RORA: variants seen among roughly 807,000 people sequenced by gnomAD.
RORA encodes the protein nuclear receptor ROR-alpha.
A neutral mutation model predicts 69.5 loss-of-function variants in RORA; 7 were observed. The ratio of observed to expected loss-of-function variants is 0.10; its 90% CI spans 0.06 to 0.19. The LOEUF (loss-of-function observed/expected upper bound fraction) is 0.19. RORA is among the 10% of genes least tolerant of loss of function. The pLI is 1.00. For synonymous variants in RORA, 261 were observed against 240.8 expected, an observed-to-expected ratio of 1.08 and a Z score of -0.78; for missense variants, 457 against 663.0, an observed-to-expected ratio of 0.69 and a Z score of 3.41.
At chr15:60,770,091 T>C (rs556744585) in intron 1 of RORA, among the ~76,000 whole-genome samples, 1 of 152,216 alleles carries the variant, frequency 6.6e-6, no homozygotes, top group Admixed American at 6.5e-5. Context: ...TTACTGTGGG[T>C]ACTAGGGTAG....
chr15:60,931,416 G>A (rs1214761918), intron 1 of RORA, among the ~76,000 whole-genome samples: 1 of 152,250 alleles, frequency 6.6e-6, no homozygotes. Flanking sequence ...CATAGCTGCA[G>A]GAGGAATAGC....
At chr15:61,196,272 A>G (rs994711629) in intron 1 of RORA, among the ~76,000 whole-genome samples, 1 of 152,020 alleles carries the variant, frequency 6.6e-6, no homozygotes, top group Non-Finnish European at 1.5e-5. Flanking sequence ...AATAGCTGCA[A>G]TATCAGACTA....
intron 2 of RORA, among the ~76,000 whole-genome samples, chr15:60,542,168 A>G (rs2066892747): frequency 6.6e-6 from 1 of 152,224 alleles, no homozygotes; most frequent in Non-Finnish European, 1.5e-5. Flanking sequence ...AATCCATTTC[A>G]CAAGTGGTGG....
intron 1 of RORA, among the ~76,000 whole-genome samples, chr15:61,028,777 A>G (rs1895967216): frequency 6.6e-6 from 1 of 152,268 alleles, no homozygotes; most frequent in Non-Finnish European, 1.5e-5. Context: ...GTCTGTCCAT[A>G]CAATGAAATA....
intron 2 of RORA, among the ~76,000 whole-genome samples, chr15:60,581,384 A>C (rs996220143): frequency 2.6e-5 from 4 of 152,216 alleles, no homozygotes; most frequent in African/African-American, 7.2e-5. Context: ...TTGCTTTTGA[A>C]ATGGATTTCT....
At chr15:60,924,241 G>T (rs199684458) in intron 1 of RORA, among the ~76,000 whole-genome samples, 2 of 151,680 alleles carry the variant, frequency 1.3e-5, no homozygotes, top group Non-Finnish European at 2.9e-5. Flanking sequence ...GGTGCTGGGA[G>T]AACGGAAGGA....
intron 1 of RORA, among the ~76,000 whole-genome samples, chr15:60,791,513 C>T (rs2140348617): frequency 6.6e-6 from 1 of 152,272 alleles, no homozygotes; most frequent in Middle Eastern, 3.4e-3. Context: ...GGGAGCACTC[C>T]CAAGTTAGCT....
chr15:61,155,253 AAAAAGATGAAT>A (rs1434247051), intron 1 of RORA, among the ~76,000 whole-genome samples: 2 of 152,232 alleles, frequency 1.3e-5, no homozygotes, highest in Non-Finnish European at 2.9e-5. Context: ...AAATTAATTT[AAAAAGATGAAT>A]ATCAGCATGT....
At chr15:60,975,364 C>T (rs561838477) in intron 1 of RORA, among the ~76,000 whole-genome samples, 3 of 152,266 alleles carry the variant, frequency 2.0e-5, no homozygotes, top group East Asian at 1.9e-4. Flanking sequence ...GAAGGTGTCC[C>T]GGTCTGCCAA....
chr15:60,691,837 C>T (rs904906697), intron 1 of RORA, among the ~76,000 whole-genome samples: 2 of 152,182 alleles, frequency 1.3e-5, no homozygotes, highest in Non-Finnish European at 2.9e-5. Flanking sequence ...TTAGCAGATC[C>T]CCAACCCAGA....
chr15:61,023,870 C>G (rs544926314), intron 1 of RORA, among the ~76,000 whole-genome samples: 1 of 152,266 alleles, frequency 6.6e-6, no homozygotes, highest in South Asian at 2.1e-4. Flanking sequence ...ATAACTCCCA[C>G]TAACTCAAGA....
At chr15:61,223,314 CAAAAAAAA>C (rs10685041) in intron 1 of RORA, among the ~76,000 whole-genome samples, 1 of 96,258 alleles carries the variant, frequency 1.0e-5, no homozygotes, top group Non-Finnish European at 1.9e-5. Context: ...GACTCTGTCT[CAAAAAAAA>C]AAAAAAAAAA....
chr15:61,046,195 T>C (rs1181274300), intron 1 of RORA, among the ~76,000 whole-genome samples: 1 of 152,116 alleles, frequency 6.6e-6, no homozygotes, highest in African/African-American at 2.4e-5. Flanking sequence ...GAGAGAAATA[T>C]GAAGGTATGT....
chr15:60,983,842 G>C (rs992318258), intron 1 of RORA, among the ~76,000 whole-genome samples: 1 of 152,120 alleles, frequency 6.6e-6, no homozygotes, highest in Non-Finnish European at 1.5e-5. Context: ...CAACCACCTT[G>C]AGCATATGTT....
At chr15:60,993,025 C>G (rs1323189934) in intron 1 of RORA, among the ~76,000 whole-genome samples, 3 of 152,296 alleles carry the variant, frequency 2.0e-5, no homozygotes, top group African/African-American at 7.2e-5. Context: ...AGCTTCTGAT[C>G]AAGCTCTTCT....
intron 1 of RORA, among the ~76,000 whole-genome samples, chr15:60,978,096 A>G (rs1893928748): frequency 6.6e-6 from 1 of 151,906 alleles, no homozygotes; most frequent in African/African-American, 2.4e-5. Context: ...ACGAGTTCTA[A>G]TTACTTCACA....
In RORA at chr15:60,493,053, C is replaced by T. The variant is rs2065075342; in HGVS notation, c.*4402G>A. The T allele has an allele frequency of 6.6e-6, 1 of 151,998 alleles. No individual in the cohort carries two copies. Among genetic ancestry groups the T allele is most frequent in the African/African-American group, 2.4e-5 (1 of 41,390 alleles). 9.4% of individuals were successfully genotyped at this position (151,998 alleles called of 1,614,324 possible). On this transcript the variant is annotated 3_prime_UTR_variant, in exon 11 of 11. Transcript: ENST00000335670. ...ATGATAGGGCTTCTATCGTTGATAC[C>T]AAGATGGATTGTCATTCACAGTAAG...
intron 2 of RORA, among the ~76,000 whole-genome samples, chr15:60,663,516 C>T (rs968436585): frequency 7.2e-5 from 11 of 152,178 alleles, no homozygotes; most frequent in South Asian, 2.1e-4. Context: ...AGTGCAATGA[C>T]GCGATGTTGG....
intron 1 of RORA, among the ~76,000 whole-genome samples, chr15:61,190,898 A>G (rs190545978): frequency 5.1e-4 from 78 of 152,286 alleles, no homozygotes; most frequent in African/African-American, 1.8e-3. Context: ...ATATATATGA[A>G]TCTCATTTTC....
Sources: gnomAD v4.1 joint callset for allele counts (sites outside exome capture counted in the v4.1 genomes callset) on GRCh38, gnomAD v4.1.1 for gene constraint, MANE v1.5 for transcripts, NCBI Gene and HGNC (gene_info 2026-07-23, HGNC 2026-07-21) for gene names.